The following POF1B variants were observed in gnomAD, a reference collection of about 807,000 sequenced individuals.
POF1B encodes POF1B actin binding protein.
Under a neutral mutation model 55.3 loss-of-function variants are expected in POF1B, and 53 were observed. The ratio of observed to expected loss-of-function variants is 0.96; its 90% CI spans 0.77 to 1.20. POF1B has a LOEUF of 1.20. POF1B is among the 50% of genes most tolerant of loss of function. The pLI, the probability that POF1B is intolerant of heterozygous loss-of-function variation, is 0.00. For synonymous variants in POF1B, 188 were observed against 148.3 expected, an observed-to-expected ratio of 1.27 and a Z score of -1.95; for missense variants, 478 against 420.5, an observed-to-expected ratio of 1.14 and a Z score of -1.20.
At chrX:85,302,131 T>C (rs780058097) in intron 15 of POF1B, among the ~76,000 whole-genome samples, 23 of 111,362 alleles carry the variant, frequency 2.1e-4, no homozygotes, top group Non-Finnish European at 3.6e-4. Context: ...ATACTTATGC[T>C]GCATATTATA....
chrX:85,306,131 C>T, intron 12 of POF1B, 50 bp downstream of exon 12: 1 of 1,091,365 alleles, frequency 9.2e-7, no homozygotes, highest in East Asian at 3.0e-5. Flanking sequence ...GCTAGGATTA[C>T]AATGATGTAA....
At chrX:85,315,339 A>G (rs936529121) in intron 8 of POF1B, among the ~76,000 whole-genome samples, 2 of 111,460 alleles carry the variant, frequency 1.8e-5, no homozygotes, top group African/African-American at 6.5e-5. Flanking sequence ...TTAATCATAT[A>G]GATTTCAGTT....
At chrX:85,304,617 A>G in intron 13 of POF1B, 146 bp from the exon 14 acceptor site, 1 of 284,131 alleles carries the variant, frequency 3.5e-6, no homozygotes, top group Non-Finnish European at 5.8e-6. Flanking sequence ...GAAGAATTTC[A>G]TGAGTATGTA....
chrX:85,352,799 A>G (rs1933415275), intron 4 of POF1B, among the ~76,000 whole-genome samples: 1 of 111,307 alleles, frequency 9.0e-6, no homozygotes, highest in Admixed American at 9.6e-5. Flanking sequence ...GACTTATTTT[A>G]TTACCAGGAG....
chrX:85,367,034 C>T (rs1347464751), intron 3 of POF1B, among the ~76,000 whole-genome samples: 1 of 111,489 alleles, frequency 9.0e-6, no homozygotes, highest in Non-Finnish European at 1.9e-5. Context: ...TAAACAGCAT[C>T]TCCCGCCTTC....
chrX:85,355,459 G>A (rs1933474260), intron 4 of POF1B, among the ~76,000 whole-genome samples: 1 of 111,509 alleles, frequency 9.0e-6, no homozygotes, highest in South Asian at 3.7e-4. Flanking sequence ...TTGACAAATG[G>A]CATCTAATTA....
chrX:85,359,635 G>A lies in POF1B; in HGVS notation c.358-5C>T. 1 of 1,166,764 alleles carries A rather than the reference G, an allele frequency of 8.6e-7. No individual in the cohort carries two copies. The highest frequency in any genetic ancestry group is 1.2e-6 in the Non-Finnish European group (1 of 860,434). On this transcript the variant is annotated splice_region_variant and splice_polypyrimidine_tract_variant and intron_variant, in intron 3 of 16. Coordinates refer to ENST00000262753, the MANE Select transcript of POF1B (RefSeq NM_024921.4). ...CACTGTTGGAGAATGAAGTTCCTGT[G>A]AAGAAAAGACAAAAGCTGGATATAA...
rs181628581 is a variant in POF1B, at chrX:85,307,735, T to C, written c.1050+389A>G. ...AATTAAAATAGAAAATGGAAAAAAA[T>C]TAATTTTTTGGAGAAAAATGTTTTC... On this transcript the variant is annotated intron_variant, in intron 10 of 16. Coordinates refer to ENST00000262753, the MANE Select transcript of POF1B (RefSeq NM_024921.4). Among the ~76,000 whole-genome samples, 559 of 111,864 alleles carry C rather than the reference T, an allele frequency of 5.0e-3. 4 individuals carry two copies. The highest frequency in any genetic ancestry group is 0.017 in the African/African-American group (536 of 30,888).
At chrX:85,294,445 T>C (rs1023230983) in intron 15 of POF1B, among the ~76,000 whole-genome samples, 7 of 112,161 alleles carry the variant, frequency 6.2e-5, no homozygotes, top group Non-Finnish European at 1.1e-4. Context: ...ACTTTATTGA[T>C]AGCTATTTCT....
intron 2 of POF1B, among the ~76,000 whole-genome samples, chrX:85,368,915 G>T (rs140042631): frequency 0.016 from 1,746 of 111,500 alleles, 33 homozygotes; most frequent in African/African-American, 0.054. Flanking sequence ...TATTTTTTCT[G>T]TAGAACAAGG....
At chrX:85,372,961 T>C (rs975469224) in intron 2 of POF1B, among the ~76,000 whole-genome samples, 9 of 108,606 alleles carry the variant, frequency 8.3e-5, no homozygotes, top group Non-Finnish European at 1.7e-4. Flanking sequence ...GCTCAAAAGG[T>C]GTTATTCTCC....
intron 7 of POF1B, among the ~76,000 whole-genome samples, chrX:85,316,067 G>T: frequency 9.0e-6 from 1 of 111,225 alleles, no homozygotes; most frequent in East Asian, 2.8e-4. Context: ...CTTCTTGGGT[G>T]AATGAACAAG....
chrX:85,334,544 G>A (rs1167158917), intron 6 of POF1B, among the ~76,000 whole-genome samples: 1 of 111,277 alleles, frequency 9.0e-6, no homozygotes, highest in Non-Finnish European at 1.9e-5. Flanking sequence ...TTGCCAAACA[G>A]TCTAATTCCT....
rs1204452031 is a variant in POF1B, at chrX:85,294,310, T to G, written c.1649+9096A>C. Among the ~76,000 whole-genome samples, 3 of 111,946 alleles carry G rather than the reference T, an allele frequency of 2.7e-5. No homozygotes were observed. The East Asian group carries it at 8.5e-4, about 32-fold the overall frequency. On this transcript the variant is annotated intron_variant, in intron 15 of 16. Coordinates refer to ENST00000262753, the MANE Select transcript of POF1B (RefSeq NM_024921.4). Reference sequence around the variant, plus strand: ...GTCTTGTTCCAGTTCTGAAGAAGAATGTTTCCAGCTTTTGTGTTCAGCATG... The same window carrying G: ...GTCTTGTTCCAGTTCTGAAGAAGAAGGTTTCCAGCTTTTGTGTTCAGCATG...
intron 6 of POF1B, among the ~76,000 whole-genome samples, chrX:85,334,412 G>T (rs1048813992): frequency 2.7e-5 from 3 of 111,462 alleles, no homozygotes; most frequent in Non-Finnish European, 3.8e-5. Context: ...CTGTGCTGAA[G>T]AATATAAACA....
chrX:85,301,442 G>T (rs1204609024), intron 15 of POF1B, among the ~76,000 whole-genome samples: 1 of 111,228 alleles, frequency 9.0e-6, no homozygotes, highest in Non-Finnish European at 1.9e-5. Flanking sequence ...TCCCATACAA[G>T]CAAAAACCCA....
Position 85,379,270 on chromosome X carries a change from A to G in POF1B, c.185T>C (p.Val62Ala). ...VRTYSGPMNKVVQALDPFNSR... is the reference protein window; with the variant it reads ...VRTYSGPMNKAVQALDPFNSR... ...GTTGAAGGGGTCCAAGGCCTGCACC[A>G]CCTTGTTCATGGGCCCACTGTAGGT... is the stretch of plus-strand genomic sequence containing the variant. The change falls in exon 2 of 17, where the codon GTG (valine) becomes GCG (alanine). Residue 62 changes from valine (V) to alanine (A), a missense_variant. By Grantham distance (64) the Val-to-Ala change is moderately conservative. Coordinates refer to ENST00000262753, the MANE Select transcript of POF1B (RefSeq NM_024921.4). 1 of 1,210,549 alleles carries G rather than the reference A, an allele frequency of 8.3e-7. No individual in the cohort carries two copies. The highest frequency in any genetic ancestry group is 1.1e-6 in the Non-Finnish European group (1 of 895,156).
At chrX:85,360,124 G>A (rs1166184318) in intron 3 of POF1B, among the ~76,000 whole-genome samples, 1 of 109,476 alleles carries the variant, frequency 9.1e-6, no homozygotes, top group East Asian at 2.9e-4. Flanking sequence ...GGGGGTTCAT[G>A]TAGATTTATT....
intron 15 of POF1B, among the ~76,000 whole-genome samples, chrX:85,298,490 G>T: frequency 9.0e-6 from 1 of 111,662 alleles, no homozygotes; most frequent in Non-Finnish European, 1.9e-5. Context: ...ACTAATCCTG[G>T]TGCTTGGCAC....
Sources: allele counts gnomAD v4.1 joint callset (sites outside exome capture counted in the v4.1 genomes callset), GRCh38; gene constraint gnomAD v4.1.1; transcripts MANE v1.5; gene names NCBI Gene and HGNC (gene_info 2026-07-23, HGNC 2026-07-21).